SNRPN: variants seen among roughly 807,000 people sequenced by gnomAD.
SNRPN encodes the protein small nuclear ribonucleoprotein polypeptide N, also known as small nuclear ribonucleoprotein-associated protein N.
A neutral mutation model predicts 25.2 loss-of-function variants in SNRPN; 7 were observed. That is an observed-to-expected ratio of 0.28 (90% CI 0.16 to 0.52). The LOEUF (loss-of-function observed/expected upper bound fraction) is 0.52, where lower values mean the gene tolerates loss of function less well. Among genes scored for constraint, SNRPN ranks in the 20% least tolerant of loss-of-function variants. The pLI, the probability that SNRPN is intolerant of heterozygous loss-of-function variation, is 0.96. For missense variants in SNRPN, 196 were observed against 322.5 expected (o/e 0.61, Z 3.00); for synonymous variants, 124 against 110.6 (o/e 1.12, Z -0.76).
chr15:24,927,826 T>G (rs1039544235), intron 3 of SNRPN, among the ~76,000 whole-genome samples: 4 of 152,236 alleles, frequency 2.6e-5, no homozygotes, highest in African/African-American at 9.6e-5. Context: ...TGTTTGTGAC[T>G]TTTGAAGCAT....
At chr15:24,921,493 T>C (rs2060019717) in intron 3 of SNRPN, among the ~76,000 whole-genome samples, 1 of 152,170 alleles carries the variant, frequency 6.6e-6, no homozygotes, top group Non-Finnish European at 1.5e-5. Context: ...TACGGAATCC[T>C]AAGGCATGGG....
At position 24,978,174 on chromosome 15, in the gene SNRPN, C is replaced by G; in HGVS notation, c.560-19C>G. ...AAGCCATTTTATGAGGCCTTTATTT[C>G]TACCATTTTTCACTGTAGGCATTAT... On this transcript the variant is annotated intron_variant, in intron 8 of 9. Coordinates refer to ENST00000390687, the MANE Select transcript of SNRPN (RefSeq NM_003097.6). The G allele has an allele frequency of 6.2e-7, 1 of 1,607,474 alleles. No homozygotes were observed. Among genetic ancestry groups the G allele is most frequent in the Non-Finnish European group, 8.5e-7 (1 of 1,176,306 alleles).
intron 5 of SNRPN, 130 bp downstream of exon 5, chr15:24,975,639 T>C (rs2076971692): frequency 1.4e-6 from 1 of 732,416 alleles, no homozygotes; most frequent in Non-Finnish European, 2.3e-6. Flanking sequence ...GTCTATTGTT[T>C]AACCTCTTGA....
chr15:24,842,188 A>G (rs750194638), intron 2 of SNRPN, among the ~76,000 whole-genome samples: 8 of 151,948 alleles, frequency 5.3e-5, no homozygotes, highest in African/African-American at 1.9e-4. Context: ...CACTGCACCA[A>G]TTTTTCAAAG....
At position 24,858,618 on chromosome 15, in the gene SNRPN, A is replaced by T. The variant is rs542561369; in HGVS notation, c.-579+1902A>T. On this transcript the variant is annotated intron_variant, in intron 1 of 11. Transcript: ENST00000400097. ...GATACTAGCCTGGACAACATGGTGA[A>T]ACCCTGTCTACTTAAAAAAAAAAAA... 2.0e-5 allele frequency among the ~76,000 whole-genome samples: 3 copies of T among 151,926 alleles called. No homozygotes were observed. In the East Asian group the frequency reaches 5.8e-4, roughly 30 times the overall value.
intron 2 of SNRPN, among the ~76,000 whole-genome samples, chr15:24,842,577 T>C (rs778379571): frequency 9.9e-5 from 15 of 152,014 alleles, no homozygotes; most frequent in Non-Finnish European, 8.8e-5. Flanking sequence ...AGGGCAGACA[T>C]GGCGCATTGA....
Position 24,977,046 on chromosome 15 carries a change from G to C in SNRPN, c.420+17G>C, listed in dbSNP as rs1306888032. ...TCCCAGCAGGTGAGGAACCAGCAGA[G>C]GGTTTTATATTATTGGGAGAATATG... On this transcript the variant is annotated intron_variant, in intron 7 of 9. Transcript: ENST00000390687. 6.5e-7 allele frequency: 1 copy of C among 1,546,766 alleles called. No homozygotes were observed. Among genetic ancestry groups the C allele is most frequent in the Non-Finnish European group, 8.7e-7 (1 of 1,150,386 alleles).
At chr15:24,855,791 CAAAAAAAAAAAA>C (rs56081812), upstream of SNRPN, among the ~76,000 whole-genome samples, 1 of 71,992 alleles carries the variant, frequency 1.4e-5, no homozygotes, top group African/African-American at 5.6e-5. Flanking sequence ...GAATCTGTCT[CAAAAAAAAAAAA>C]AAAAAAAAAA....
chr15:24,977,684 T>G, intron 7 of SNRPN, 94 bp from the exon 8 acceptor site: 2 of 1,231,850 alleles, frequency 1.6e-6, no homozygotes, highest in Non-Finnish European at 2.2e-6. Flanking sequence ...AACAGTTGTT[T>G]GTAACTAATT....
intron 1 of SNRPN, among the ~76,000 whole-genome samples, chr15:24,869,887 TTACTG>T (rs1167249728): frequency 2.0e-5 from 3 of 152,190 alleles, no homozygotes; most frequent in Non-Finnish European, 4.4e-5. Context: ...TGAGAACTCT[TTACTG>T]TATACAGTTG....
chr15:24,925,545 C>G (rs2060320090), intron 3 of SNRPN, among the ~76,000 whole-genome samples: 1 of 152,148 alleles, frequency 6.6e-6, no homozygotes, highest in African/African-American at 2.4e-5. Flanking sequence ...GTGTCTTACT[C>G]CATGAAGCTT....
intron 3 of SNRPN, among the ~76,000 whole-genome samples, chr15:24,973,155 T>C (rs2076646802): frequency 6.6e-6 from 1 of 151,878 alleles, no homozygotes; most frequent in Non-Finnish European, 1.5e-5. Flanking sequence ...TCCCAAAGTG[T>C]TGGGATTATG....
At position 24,976,363 on chromosome 15, in the gene SNRPN, C is replaced by T. The variant is rs749922581; in HGVS notation, c.214C>T (p.Leu72=). The stretch of plus-strand genomic sequence containing the variant: ...AAAGCGGGTTTTGGGTCTGGTGTTG[C>T]TGCGTGGGGAGAACTTGGTATCCAT... ...EEKRVLGLVL[L]RGENLVSMTV... is the part of the protein sequence containing the mutation. The change falls in exon 6 of 10, where the codon CTG becomes TTG. Residue 72 remains leucine, a synonymous_variant. Transcript: ENST00000390687. 1 of 1,613,188 alleles carries T rather than the reference C, an allele frequency of 6.2e-7. No individual in the cohort carries two copies. The highest frequency in any genetic ancestry group is 8.5e-7 in the Non-Finnish European group (1 of 1,179,806).
At position 24,961,022 on chromosome 15, in the gene SNRPN, ATT is replaced by A. The variant is rs143103675; in HGVS notation, c.-390-1087_-390-1086del. 2.0e-5 allele frequency among the ~76,000 whole-genome samples: 3 copies of A among 151,832 alleles called. No individual in the cohort carries two copies. In the South Asian group the frequency reaches 6.2e-4, roughly 31 times the overall value. ...AAACTTAGCTGTATGTTAAGCAAAT[ATT>A]TTTTCCTATTCTGGTTATCCTTTCA... On this transcript the variant is annotated intron_variant, in intron 1 of 9. Coordinates refer to ENST00000390687, the MANE Select transcript of SNRPN (RefSeq NM_003097.6).
intron 2 of SNRPN, among the ~76,000 whole-genome samples, chr15:24,834,862 G>A (rs1190998228): frequency 7.3e-6 from 1 of 136,890 alleles, no homozygotes; most frequent in Admixed American, 7.7e-5. Flanking sequence ...GTAGGTGGAG[G>A]TTAAAGTGAG....
At chr15:24,974,787 G>C (rs567233711) in intron 4 of SNRPN, 1 of 629,926 alleles carries the variant, frequency 1.6e-6, no homozygotes, top group South Asian at 1.9e-5. Context: ...TCAGGCTCCT[G>C]ACCTCTGGTG....
At chr15:24,915,452 T>C (rs911148656) in intron 2 of SNRPN, among the ~76,000 whole-genome samples, 1 of 152,064 alleles carries the variant, frequency 6.6e-6, no homozygotes, top group African/African-American at 2.4e-5. Flanking sequence ...ATAAACAGAC[T>C]TCCTTGTTAA....
At chr15:24,938,226 G>C (rs535422580) in intron 3 of SNRPN, among the ~76,000 whole-genome samples, 2 of 150,920 alleles carry the variant, frequency 1.3e-5, no homozygotes, top group South Asian at 4.2e-4. Context: ...AGCGATTTTC[G>C]CTTGATTCTC....
intron 2 of SNRPN, chr15:24,966,909 A>G (rs529928745): frequency 2.0e-5 from 3 of 152,222 alleles, no homozygotes; most frequent in African/African-American, 7.2e-5. Flanking sequence ...TTTCACAGCC[A>G]GGTTACTGAT....
Sources: allele counts gnomAD v4.1 joint callset (sites outside exome capture counted in the v4.1 genomes callset), GRCh38; gene constraint gnomAD v4.1.1; transcripts MANE v1.5; gene names NCBI Gene and HGNC (gene_info 2026-07-23, HGNC 2026-07-21).